Variants in ZNF676 observed in about 807,000 individuals in gnomAD.
ZNF676 encodes the protein zinc finger protein 676.
A neutral mutation model predicts 6.0 loss-of-function variants in ZNF676; 4 were observed. That is an observed-to-expected ratio of 0.67 (90% CI 0.33 to 1.53). The LOEUF (loss-of-function observed/expected upper bound fraction) is 1.53. Among genes scored for constraint, ZNF676 ranks in the 40% most tolerant of loss-of-function variants. ZNF676 has a pLI of 0.06. For synonymous variants in ZNF676, 198 were observed against 223.1 expected (o/e 0.89, Z 1.00); for missense variants, 644 against 679.7 (o/e 0.95, Z 0.58).
chr19:22,222,139 C>T, the ZNF676 span, among the ~76,000 whole-genome samples: 1 of 152,026 alleles, frequency 6.6e-6, no homozygotes, highest in East Asian at 1.9e-4. Context: ...GAGTCTCACT[C>T]TGTCGCCCAA....
the ZNF676 span, among the ~76,000 whole-genome samples, chr19:22,242,051 A>G: frequency 1.3e-5 from 2 of 151,886 alleles, no homozygotes; most frequent in African/African-American, 2.4e-5. Flanking sequence ...GAAATAATCT[A>G]TGACCTTCCT....
intron 1 of ZNF676, among the ~76,000 whole-genome samples, chr19:22,211,560 T>A (rs1385803268): frequency 6.6e-6 from 1 of 152,214 alleles, no homozygotes; most frequent in African/African-American, 2.4e-5. Flanking sequence ...TTATTTCTTT[T>A]GGACAATAAA....
chr19:22,234,280 T>C, the ZNF676 span, among the ~76,000 whole-genome samples: 1 of 152,122 alleles, frequency 6.6e-6, no homozygotes, highest in African/African-American at 2.4e-5. Context: ...CAAATGATCA[T>C]AGGGAACTCC....
the ZNF676 span, among the ~76,000 whole-genome samples, chr19:22,255,261 C>T: frequency 1.3e-5 from 2 of 152,092 alleles, no homozygotes; most frequent in Non-Finnish European, 2.9e-5. Context: ...AGGTTCAGAA[C>T]CTCAAAATTG....
intron 1 of ZNF676, among the ~76,000 whole-genome samples, chr19:22,205,094 T>C (rs1267833514): frequency 6.6e-6 from 1 of 152,008 alleles, no homozygotes; most frequent in Non-Finnish European, 1.5e-5. Flanking sequence ...TAAAAGAATG[T>C]TTATGGGGGG....
chr19:22,209,295 C>T (rs1157351291), intron 1 of ZNF676, among the ~76,000 whole-genome samples: 9 of 146,814 alleles, frequency 6.1e-5, no homozygotes, highest in Non-Finnish European at 1.2e-4. Flanking sequence ...GGTACATAAA[C>T]ATCATGACAT....
At chr19:22,226,087 T>C in the ZNF676 span, among the ~76,000 whole-genome samples, 8 of 152,104 alleles carry the variant, frequency 5.3e-5, no homozygotes, top group African/African-American at 9.6e-5. Flanking sequence ...GTATTTTATA[T>C]AAATTTTTTT....
intron 1 of ZNF676, among the ~76,000 whole-genome samples, chr19:22,204,765 G>A (rs775855559): frequency 6.6e-6 from 1 of 151,968 alleles, no homozygotes; most frequent in Non-Finnish European, 1.5e-5. Flanking sequence ...AAAGACTAAA[G>A]ATAAAAATAT....
chr19:22,248,383 T>G, the ZNF676 span, among the ~76,000 whole-genome samples: 7 of 152,232 alleles, frequency 4.6e-5, no homozygotes. Flanking sequence ...GTGTTCCTAT[T>G]TCTCCACATT....
intron 1 of ZNF676, among the ~76,000 whole-genome samples, chr19:22,215,061 C>CAA (rs10634809): frequency 0.45 from 55,514 of 124,454 alleles, 11,731 homozygotes; most frequent in African/African-American, 0.55. Context: ...AAAAAAAAAA[C>CAA]AACAAAAAAC....
Position 22,196,728 on chromosome 19 carries a change from T to C in ZNF676, c.-95A>G, listed in dbSNP as rs2069357819. Reference sequence around the variant, plus strand: ...CACATCCCTAAATGTCAATGCTCCCTGGAAAACACACACAAACACATATAT... The same window carrying C: ...CACATCCCTAAATGTCAATGCTCCCCGGAAAACACACACAAACACATATAT... On this transcript the variant is annotated 5_prime_UTR_variant, in exon 1 of 3. Transcript: ENST00000397121. The C allele has an allele frequency of 1.6e-5, 26 of 1,601,310 alleles. No homozygotes were observed. Among genetic ancestry groups the C allele is most frequent in the Non-Finnish European group, 1.7e-5 (20 of 1,169,092 alleles).
intron 2 of ZNF676, among the ~76,000 whole-genome samples, chr19:22,185,533 T>C (rs1370705984): frequency 6.7e-6 from 1 of 149,106 alleles, no homozygotes; most frequent in East Asian, 2.0e-4. Context: ...GTTTGACGAA[T>C]TGACAAATTC....
At chr19:22,224,631 T>C in the ZNF676 span, among the ~76,000 whole-genome samples, 4 of 152,210 alleles carry the variant, frequency 2.6e-5, no homozygotes, top group Non-Finnish European at 4.4e-5. Flanking sequence ...CTTCATTTAG[T>C]TTTTCTTCTA....
chr19:22,179,479 GT>G lies in ZNF676; in HGVS notation c.*470del. The G allele has an allele frequency of 2.6e-6, 1 of 384,498 alleles. No individual in the cohort carries two copies. The allele number at this position is 384,498 out of a possible 1,614,324, so 23.8% of individuals were successfully genotyped here. On this transcript the variant is annotated 3_prime_UTR_variant, in exon 3 of 3. Transcript: ENST00000397121. ...TCCCTCCAGTATGAATTACATGAAT[GT>G]TTAGTAAGGATTGAGGAACAGCTAA...
the ZNF676 span, among the ~76,000 whole-genome samples, chr19:22,258,320 G>A: frequency 6.6e-6 from 1 of 152,156 alleles, no homozygotes; most frequent in African/African-American, 2.4e-5. Flanking sequence ...GGTCCAGGCA[G>A]AAGACTTACA....
the ZNF676 span, among the ~76,000 whole-genome samples, chr19:22,233,284 C>T: frequency 6.6e-6 from 1 of 152,072 alleles, no homozygotes; most frequent in Non-Finnish European, 1.5e-5. Flanking sequence ...GCTGGGATTA[C>T]AGGTGTGAGC....
chr19:22,231,996 GATTT>G, the ZNF676 span, among the ~76,000 whole-genome samples: 1 of 152,080 alleles, frequency 6.6e-6, no homozygotes. Context: ...CAAAATAATA[GATTT>G]ATTTACTGGG....
upstream of ZNF676, among the ~76,000 whole-genome samples, chr19:22,199,266 T>C (rs2024001109): frequency 1.3e-5 from 2 of 152,198 alleles, no homozygotes; most frequent in South Asian, 4.1e-4. Context: ...ACTGGGCTTA[T>C]TATTAGCATT....
At chr19:22,198,273 T>G (rs1350756399), upstream of ZNF676, among the ~76,000 whole-genome samples, 2 of 152,310 alleles carry the variant, frequency 1.3e-5, no homozygotes, top group African/African-American at 4.8e-5. Context: ...GATTATAAAT[T>G]CATAGTGAGA....
Sources: gnomAD v4.1 joint callset for allele counts (sites outside exome capture counted in the v4.1 genomes callset) on GRCh38, gnomAD v4.1.1 for gene constraint, MANE v1.5 for transcripts, NCBI Gene and HGNC (gene_info 2026-07-23, HGNC 2026-07-21) for gene names.